RAB43: variants seen among roughly 807,000 people sequenced by gnomAD.
RAB43 encodes the protein RAB43, member RAS oncogene family.
Under a neutral mutation model 18.8 loss-of-function variants are expected in RAB43, and 6 were observed. That is an observed-to-expected ratio of 0.32 (90% CI 0.17 to 0.63). RAB43 has a LOEUF of 0.63. RAB43 is among the 30% of genes least tolerant of loss of function. The pLI is 0.79. For missense variants in RAB43, 195 were observed against 289.1 expected (o/e 0.67, Z 2.36); for synonymous variants, 103 against 124.1 (o/e 0.83, Z 1.13).
chr3:129,118,185 G>C (rs186052155), intron 1 of RAB43, among the ~76,000 whole-genome samples: 1 of 152,296 alleles, frequency 6.6e-6, no homozygotes, highest in East Asian at 1.9e-4. Context: ...CATGTTGAAG[G>C]GCTAGTGAAG....
rs59684183 is a variant in RAB43, at chr3:129,111,509, C to CA, written c.204+9776dup. Among the ~76,000 whole-genome samples the CA allele has an allele frequency of 2.4e-3, 161 of 68,460 alleles. 2 individuals are homozygous for CA. The highest frequency in any genetic ancestry group is 6.0e-3 in the African/African-American group (115 of 19,118). 44.9% of individuals were successfully genotyped at this position (68,460 alleles called of 152,430 possible). ...CGCCTGGGTGATAGAGACTCTGTCT[C>CA]AAAAAAAAAAAAAAAAAAAAAAGAG... On this transcript the variant is annotated intron_variant, in intron 1 of 2. Coordinates refer to ENST00000315150, the MANE Select transcript of RAB43 (RefSeq NM_198490.3).
chr3:129,110,572 C>T (rs528265477), intron 1 of RAB43, among the ~76,000 whole-genome samples: 1 of 152,334 alleles, frequency 6.6e-6, no homozygotes, highest in Non-Finnish European at 1.5e-5. Context: ...GGCGCGGTGG[C>T]TCACGCCTGT....
chr3:129,094,764 G>A (rs895621933), intron 2 of RAB43, among the ~76,000 whole-genome samples: 6 of 151,872 alleles, frequency 4.0e-5, no homozygotes, highest in Non-Finnish European at 5.9e-5. Context: ...TGATCCGCCC[G>A]CCTCAGCCTC....
At chr3:129,113,612 C>T (rs112910697) in intron 1 of RAB43, among the ~76,000 whole-genome samples, 2,094 of 152,298 alleles carry the variant, frequency 0.014, 26 homozygotes, top group Non-Finnish European at 0.019. Context: ...TTCTTCCAAT[C>T]CAGAAAAGGG....
At chr3:129,091,751 G>C (rs1340868585) in intron 2 of RAB43, among the ~76,000 whole-genome samples, 3 of 151,920 alleles carry the variant, frequency 2.0e-5, no homozygotes, top group Non-Finnish European at 4.4e-5. Context: ...TTTGTAATGT[G>C]GTTATAAGGA....
intron 2 of RAB43, chr3:129,092,605 T>C (rs2170536): frequency 3.0e-6 from 2 of 659,860 alleles, no homozygotes; most frequent in African/African-American, 3.6e-5. Flanking sequence ...TAAAAATATA[T>C]GTATGTATAT....
Position 129,091,159 on chromosome 3 carries a change from C to G in RAB43, c.576G>C (p.Lys192Asn), listed in dbSNP as rs766520036. 2 of 1,575,658 alleles carry G rather than the reference C, an allele frequency of 1.3e-6. No individual in the cohort carries two copies. Among genetic ancestry groups the G allele is most frequent in the Non-Finnish European group, 1.7e-6 (2 of 1,157,094 alleles). Residue 192 changes from lysine (K) to asparagine (N), a missense_variant, in exon 3 of 3, where the codon AAG becomes AAC. Lys to Asn is a moderately conservative substitution (Grantham distance 94). Transcript: ENST00000315150. ...TGTTCAGCTGGATGTGGTCGGGGCT[C>G]TTCTCGCTGAACAAGGGGCCCCCGT... ...MRHGGPLFSE[K>N]SPDHIQLNSK...
chr3:129,091,720 A>T (rs1400012731), intron 2 of RAB43, among the ~76,000 whole-genome samples: 1 of 152,074 alleles, frequency 6.6e-6, no homozygotes, highest in Non-Finnish European at 1.5e-5. Context: ...TAATTTTTTA[A>T]AAGTCTCTAC....
chr3:129,121,794 C>T lies in RAB43; in HGVS notation c.-305G>A. 1 of 193,350 alleles carries T rather than the reference C, an allele frequency of 5.2e-6. No homozygotes were observed. The highest frequency in any genetic ancestry group is 1.0e-5 in the Non-Finnish European group (1 of 95,772). The allele number at this position is 193,350 out of a possible 1,614,324, so 12.0% of individuals were successfully genotyped here. A position where few individuals can be genotyped will look rare whatever the true frequency, so the allele number is the denominator to read the frequency against. On this transcript the variant is annotated 5_prime_UTR_variant, in exon 1 of 3. Transcript: ENST00000315150. ...CTCCGGCCGGTCCTCAGCTCCGTGC[C>T]ACACCAGTCTGGCCTGTAGGCCCGC... is the stretch of plus-strand genomic sequence containing the variant.
rs181858095 is a variant in RAB43 at position 129,117,762 on chromosome 3, T to A, written c.204+3524A>T. 1.1e-3 allele frequency among the ~76,000 whole-genome samples: 169 copies of A among 152,232 alleles called. 1 individual carries two copies. The highest frequency in any genetic ancestry group is 2.3e-3 in the East Asian group (12 of 5,190). ...ATGAACTCAGAGCAAATCAGAAGGG[T>A]GGTCAAGTAAAAATGAAGACTGGGC... On this transcript the variant is annotated intron_variant, in intron 1 of 2. Transcript: ENST00000315150.
At chr3:129,102,145 C>T (rs1363636784) in intron 1 of RAB43, among the ~76,000 whole-genome samples, 2 of 152,244 alleles carry the variant, frequency 1.3e-5, no homozygotes, top group Non-Finnish European at 2.9e-5. Flanking sequence ...ACACATTCCT[C>T]ATGCACCTTG....
chr3:129,110,177 C>A (rs771890203), intron 1 of RAB43, among the ~76,000 whole-genome samples: 2 of 151,958 alleles, frequency 1.3e-5, no homozygotes, highest in African/African-American at 4.8e-5. Flanking sequence ...AAAAACAGAT[C>A]CTGGTAGATA....
Position 129,089,358 on chromosome 3 carries a change from G to A in RAB43, c.*1738C>T, listed in dbSNP as rs1404865607. On this transcript the variant is annotated 3_prime_UTR_variant, in exon 3 of 3. Transcript: ENST00000315150. ...CCAGGCACTGCAGTGGAGGCGCAGG[G>A]GCAGAGCCCAGACCCCACTCAGCTC... 3.1e-5 allele frequency: 4 copies of A among 128,410 alleles called. No individual in the cohort carries two copies. The highest frequency in any genetic ancestry group is 6.6e-5 in the Non-Finnish European group (4 of 60,324). The allele number at this position is 128,410 out of a possible 1,614,324, so 8.0% of individuals were successfully genotyped here. A position where few individuals can be genotyped will look rare whatever the true frequency, so the allele number is the denominator to read the frequency against.
intron 1 of RAB43, among the ~76,000 whole-genome samples, chr3:129,097,129 G>A (rs1934108981): frequency 6.6e-6 from 1 of 151,918 alleles, no homozygotes; most frequent in South Asian, 2.1e-4. Context: ...AAAAAGAAAA[G>A]AAAAGAAAAG....
chr3:129,109,315 CAGG>C (rs1351556422), intron 1 of RAB43, among the ~76,000 whole-genome samples: 4 of 150,362 alleles, frequency 2.7e-5, no homozygotes, highest in Admixed American at 6.7e-5. Flanking sequence ...GAGGCTGAGG[CAGG>C]AGAATGGCGT....
At chr3:129,101,397 G>A (rs1360310313) in intron 1 of RAB43, among the ~76,000 whole-genome samples, 2 of 152,320 alleles carry the variant, frequency 1.3e-5, no homozygotes, top group East Asian at 1.9e-4. Flanking sequence ...CTGGTAACTG[G>A]GGATATAGCA....
intron 1 of RAB43, among the ~76,000 whole-genome samples, chr3:129,110,359 A>C (rs1157057603): frequency 6.6e-6 from 1 of 152,206 alleles, no homozygotes; most frequent in African/African-American, 2.4e-5. Context: ...TCATTCATTC[A>C]ATAACCAAAA....
intron 1 of RAB43, among the ~76,000 whole-genome samples, chr3:129,104,529 G>C (rs903361896): frequency 6.6e-6 from 1 of 152,212 alleles, no homozygotes; most frequent in African/African-American, 2.4e-5. Flanking sequence ...TGTATGCTCA[G>C]AAAAGCAGCA....
At position 129,095,777 on chromosome 3, in the gene RAB43, C is replaced by A. The variant is rs879764211; in HGVS notation, c.205-608G>T. Among the ~76,000 whole-genome samples, 3 of 152,176 alleles carry A rather than the reference C, an allele frequency of 2.0e-5. No homozygotes were observed. Among genetic ancestry groups the A allele is most frequent in the Non-Finnish European group, 4.4e-5 (3 of 68,016 alleles). ...TGGCCAAAGCAAGGAGCTTTGGCCA[C>A]CCATGTCTTCATTTAACACCTACTC... is the stretch of plus-strand genomic sequence containing the variant. On this transcript the variant is annotated intron_variant, in intron 1 of 2. Coordinates refer to ENST00000315150, the MANE Select transcript of RAB43 (RefSeq NM_198490.3). This position sits in a 1 kb window ranked among gnomAD's most constrained non-coding sequence, Gnocchi z 4.2.
Sources: gnomAD v4.1 joint callset for allele counts (sites outside exome capture counted in the v4.1 genomes callset) on GRCh38, gnomAD v4.1.1 for gene constraint, Gnocchi (gnomAD v3.1) non-coding constraint, MANE v1.5 for transcripts, NCBI Gene and HGNC (gene_info 2026-07-23, HGNC 2026-07-21) for gene names.